Variants in APPBP2 observed in about 807,000 individuals in gnomAD.
APPBP2 encodes amyloid protein-binding protein 2.
A neutral mutation model predicts 76.0 loss-of-function variants in APPBP2; 15 were observed. The observed-to-expected ratio is 0.20, with a 90% CI of 0.13 to 0.30. The LOEUF is 0.30. APPBP2 is among the 10% of genes least tolerant of loss of function. The probability of loss-of-function intolerance (pLI) is 1.00; values close to 1 mark genes in which losing one functional copy is unlikely to be tolerated. For missense variants in APPBP2, 401 were observed against 687.2 expected (o/e 0.58, Z 4.66); for synonymous variants, 222 against 242.2 (o/e 0.92, Z 0.77).
At chr17:60,474,133 A>G (rs1199643236) in intron 4 of APPBP2, among the ~76,000 whole-genome samples, 3 of 150,588 alleles carry the variant, frequency 2.0e-5, no homozygotes, top group African/African-American at 7.3e-5. Context: ...TAAGGTCATG[A>G]CCTCCAGAAT....
chr17:60,511,850 TAATA>T (rs200222016), intron 1 of APPBP2, among the ~76,000 whole-genome samples: 3,256 of 152,218 alleles, frequency 0.021, 53 homozygotes, highest in Non-Finnish European at 0.033. Flanking sequence ...TGAATATGCT[TAATA>T]AACTTTAATC....
intron 3 of APPBP2, 95 bp from the exon 4 acceptor site, chr17:60,479,366 T>G: frequency 8.0e-7 from 1 of 1,248,886 alleles, no homozygotes; most frequent in Non-Finnish European, 1.1e-6. Context: ...AAATTAAAAA[T>G]AAACCATGAT....
At chr17:60,473,865 C>T (rs1386153174) in intron 4 of APPBP2, among the ~76,000 whole-genome samples, 1 of 152,056 alleles carries the variant, frequency 6.6e-6, no homozygotes, top group Non-Finnish European at 1.5e-5. Context: ...TAAATAAATC[C>T]TTCTTTGGAA....
At chr17:60,466,539 AT>A in intron 4 of APPBP2, 80 bp from the exon 5 acceptor site, 1 of 1,367,388 alleles carries the variant, frequency 7.3e-7, no homozygotes, top group Non-Finnish European at 1.0e-6. Flanking sequence ...AATCACCTGA[AT>A]GACTTAAGGT....
intron 1 of APPBP2, among the ~76,000 whole-genome samples, chr17:60,507,431 A>G (rs143654183): frequency 0.015 from 2,262 of 152,272 alleles, 49 homozygotes; most frequent in African/African-American, 0.05. Flanking sequence ...CATGTTGGCC[A>G]GGCTGGTCTA....
intron 1 of APPBP2, among the ~76,000 whole-genome samples, chr17:60,525,240 G>A (rs1168841660): frequency 6.6e-6 from 1 of 152,110 alleles, no homozygotes; most frequent in Non-Finnish European, 1.5e-5. Context: ...AAGCTTTAAA[G>A]AATATGCAAA....
At chr17:60,494,144 A>T (rs952892862) in intron 3 of APPBP2, among the ~76,000 whole-genome samples, 1 of 152,202 alleles carries the variant, frequency 6.6e-6, no homozygotes, top group Non-Finnish European at 1.5e-5. Flanking sequence ...AACACATATT[A>T]TGGAATCACA....
In APPBP2 at chr17:60,466,388, T is replaced by C. The variant is rs779109469; in HGVS notation, c.575A>G (p.Tyr192Cys). 4 of 1,613,996 alleles carry C rather than the reference T, an allele frequency of 2.5e-6. No individual in the cohort carries two copies. The South Asian group carries it at 3.3e-5, about 13-fold the overall frequency. The stretch of plus-strand genomic sequence containing the variant: ...GCCATGTTTTGATAGTTTATCCATA[T>C]ATGTCTGAGCTAATTTAAATGTTTC... ...GEETFKLAQTYMDKLSKHGQQ... is the reference protein window; with the variant it reads ...GEETFKLAQTCMDKLSKHGQQ... Residue 192 changes from tyrosine (Y) to cysteine (C), a missense_variant, in exon 5 of 13, where the codon TAT (tyrosine) becomes TGT (cysteine). This residue lies in a region of APPBP2 where 64 missense variants were observed against 72.9 expected (regional missense o/e 0.88). Transcript: ENST00000083182.
intron 10 of APPBP2, among the ~76,000 whole-genome samples, chr17:60,455,252 A>C (rs1308968599): frequency 6.6e-6 from 1 of 152,218 alleles, no homozygotes; most frequent in Non-Finnish European, 1.5e-5. Flanking sequence ...ATAAAATTAA[A>C]TCATTCATTT....
intron 2 of APPBP2, among the ~76,000 whole-genome samples, chr17:60,496,684 A>G (rs59794226): frequency 0.015 from 2,254 of 152,226 alleles, 48 homozygotes; most frequent in African/African-American, 0.05. Context: ...CCACATTTCA[A>G]AGTTACCCTT....
intron 9 of APPBP2, chr17:60,460,210 AT>A: frequency 6.5e-6 from 1 of 152,868 alleles, no homozygotes; most frequent in Non-Finnish European, 1.5e-5. Context: ...GACTTTATTT[AT>A]TTTTGGAAAC....
At chr17:60,475,616 G>C (rs1213042000) in intron 4 of APPBP2, among the ~76,000 whole-genome samples, 1 of 148,654 alleles carries the variant, frequency 6.7e-6, no homozygotes, top group Non-Finnish European at 1.5e-5. Flanking sequence ...CAGCTGCCCA[G>C]GGTTCTCTTT....
intron 1 of APPBP2, among the ~76,000 whole-genome samples, chr17:60,503,594 C>CA (rs1293465999): frequency 6.9e-6 from 1 of 145,970 alleles, no homozygotes; most frequent in African/African-American, 2.8e-5. Flanking sequence ...CCATGTTGGC[C>CA]AGGCTGGTCT....
At chr17:60,521,777 GA>G (rs2091011747) in intron 1 of APPBP2, among the ~76,000 whole-genome samples, 1 of 149,510 alleles carries the variant, frequency 6.7e-6, no homozygotes. Flanking sequence ...AACATTATGA[GA>G]TTTTTTTTTT....
At chr17:60,488,871 G>T (rs6503976) in intron 3 of APPBP2, among the ~76,000 whole-genome samples, 12,516 of 152,134 alleles carry the variant, frequency 0.082, 1,706 homozygotes, top group African/African-American at 0.28. Flanking sequence ...CACAAGTTTT[G>T]AGAGACTTTC....
chr17:60,486,506 G>C (rs1056132886), intron 3 of APPBP2, among the ~76,000 whole-genome samples: 3 of 152,144 alleles, frequency 2.0e-5, no homozygotes, highest in Admixed American at 6.6e-5. Flanking sequence ...TCAGAGACTA[G>C]GATTGCAACC....
In APPBP2 at chr17:60,443,397, G is replaced by C. The variant is rs2090317719; in HGVS notation, c.*4184C>G. 1 of 152,496 alleles carries C rather than the reference G, an allele frequency of 6.6e-6. No homozygotes were observed. Among genetic ancestry groups the C allele is most frequent in the Non-Finnish European group, 1.5e-5 (1 of 68,022 alleles). 9.4% of individuals were successfully genotyped at this position (152,496 alleles called of 1,614,324 possible). A position where few individuals can be genotyped will look rare whatever the true frequency, so the allele number is the denominator to read the frequency against. ...GAAATTATTGTGGCACTATTAGTGG[G>C]GATTTTCACGTAAAGATTGTTAGTG... On this transcript the variant is annotated 3_prime_UTR_variant, in exon 13 of 13. Coordinates refer to ENST00000083182, the MANE Select transcript of APPBP2 (RefSeq NM_006380.5).
rs7215536 is a variant in APPBP2 at position 60,461,584 on chromosome 17, T to C, written c.936+226A>G. ...AAAAATGGAAAACTACTCCCACATA[T>C]GAGCTCACAACCCAATAATTCCTTT... is the stretch of plus-strand genomic sequence containing the variant. On this transcript the variant is annotated intron_variant, in intron 8 of 12. Transcript: ENST00000083182. 0.038 allele frequency: 15,119 copies of C among 399,618 alleles called. 1,986 individuals are homozygous for C. Among genetic ancestry groups the C allele is most frequent in the African/African-American group, 0.28 (13,567 of 48,290 alleles). 24.8% of individuals were successfully genotyped at this position (399,618 alleles called of 1,614,324 possible).
intron 3 of APPBP2, among the ~76,000 whole-genome samples, chr17:60,493,837 C>T (rs928363735): frequency 4.7e-5 from 7 of 150,108 alleles, no homozygotes; most frequent in South Asian, 2.1e-4. Flanking sequence ...GACAGGATTT[C>T]GCCATGCTGG....
Sources: gnomAD v4.1 joint callset for allele counts (sites outside exome capture counted in the v4.1 genomes callset) on GRCh38, gnomAD v4.1.1 for gene constraint, gnomAD v4.1.1 regional missense constraint, MANE v1.5 for transcripts, NCBI Gene and HGNC (gene_info 2026-07-23, HGNC 2026-07-21) for gene names.